Variants in ARMH3 observed in about 807,000 individuals in gnomAD.
The protein encoded by ARMH3 is armadillo-like helical domain-containing protein 3.
ARMH3 carries 60 observed loss-of-function variants against 99.1 expected under a neutral mutation model. The ratio of observed to expected loss-of-function variants is 0.61; its 90% CI spans 0.49 to 0.75. The LOEUF is 0.75. Ranked by LOEUF, ARMH3 falls within the 30% of genes least tolerant of loss-of-function variation. The pLI is 0.00. For missense variants in ARMH3, 679 were observed against 843.1 expected (o/e 0.81, Z 2.41); for synonymous variants, 285 against 292.8 (o/e 0.97, Z 0.27).
Position 101,939,947 on chromosome 10 carries a change from A to G in ARMH3, c.1706-9T>C. 6.2e-7 allele frequency: 1 copy of G among 1,613,114 alleles called. No individual in the cohort carries two copies. The stretch of plus-strand genomic sequence containing the variant: ...GGTAGAAAGCCTCAGGACTGCAAAG[A>G]AGGAAAGAACACAGATCTGTCAAAC... On this transcript the variant is annotated splice_polypyrimidine_tract_variant and intron_variant, in intron 22 of 25. Transcript: ENST00000370033.
chr10:101,966,252 T>C (rs2135869618), intron 20 of ARMH3, among the ~76,000 whole-genome samples: 1 of 147,158 alleles, frequency 6.8e-6, no homozygotes, highest in South Asian at 2.2e-4. Flanking sequence ...ATTACAGGCA[T>C]GCACCACCAC....
chr10:101,985,743 G>A (rs1399659491), intron 19 of ARMH3, among the ~76,000 whole-genome samples: 2 of 151,984 alleles, frequency 1.3e-5, no homozygotes, highest in Non-Finnish European at 2.9e-5. Context: ...TAGGCCAGGC[G>A]CGGTGGCTCA....
chr10:101,940,310 T>G (rs948190039), intron 22 of ARMH3, among the ~76,000 whole-genome samples: 1 of 152,138 alleles, frequency 6.6e-6, no homozygotes, highest in African/African-American at 2.4e-5. Context: ...TCCCTAATGG[T>G]GGGGGCTGAT....
At chr10:101,979,814 C>A (rs1846153105) in intron 19 of ARMH3, among the ~76,000 whole-genome samples, 2 of 152,160 alleles carry the variant, frequency 1.3e-5, no homozygotes, top group Admixed American at 6.5e-5. Flanking sequence ...AATTGATACT[C>A]TTCATTTGAG....
chr10:102,036,109 G>C (rs1365539350), intron 2 of ARMH3, among the ~76,000 whole-genome samples: 2 of 151,562 alleles, frequency 1.3e-5, no homozygotes, highest in Non-Finnish European at 3.0e-5. Flanking sequence ...CCGTCTGGGA[G>C]GGAGGTGGGG....
At chr10:101,889,597 A>G in intron 23 of ARMH3, 107 bp from the exon 24 acceptor site, 1 of 984,340 alleles carries the variant, frequency 1.0e-6, no homozygotes, top group Non-Finnish European at 1.6e-6. Context: ...AGAGCATGGG[A>G]CCGATTGTGA....
At chr10:101,982,225 A>AG in intron 19 of ARMH3, among the ~76,000 whole-genome samples, 1 of 151,820 alleles carries the variant, frequency 6.6e-6, no homozygotes, top group Non-Finnish European at 1.5e-5. Flanking sequence ...TACCAAAAAA[A>AG]AAACACAAAA....
chr10:101,891,165 C>T (rs2067681128), intron 23 of ARMH3, among the ~76,000 whole-genome samples: 1 of 151,726 alleles, frequency 6.6e-6, no homozygotes, highest in African/African-American at 2.4e-5. Flanking sequence ...TGAGCCATTG[C>T]TCCTGACGCT....
intron 14 of ARMH3, among the ~76,000 whole-genome samples, chr10:102,002,696 C>T (rs915961991): frequency 6.6e-6 from 1 of 152,082 alleles, no homozygotes; most frequent in Non-Finnish European, 1.5e-5. Context: ...CGCAGTGGCT[C>T]ACGCCTGTAA....
At chr10:101,886,914 T>C (rs1323565181) in intron 24 of ARMH3, among the ~76,000 whole-genome samples, 1 of 152,208 alleles carries the variant, frequency 6.6e-6, no homozygotes, top group Non-Finnish European at 1.5e-5. Context: ...CTTTAGAATC[T>C]ATTGAGGATT....
At chr10:102,039,372 T>A (rs2136239142) in intron 2 of ARMH3, among the ~76,000 whole-genome samples, 1 of 152,218 alleles carries the variant, frequency 6.6e-6, no homozygotes, top group South Asian at 2.1e-4. Flanking sequence ...CTCGAACTCT[T>A]GACCTTGTGA....
At chr10:101,892,350 T>C (rs1176428456) in intron 23 of ARMH3, among the ~76,000 whole-genome samples, 3 of 152,128 alleles carry the variant, frequency 2.0e-5, no homozygotes, top group South Asian at 2.1e-4. Flanking sequence ...TCTCAGCTAC[T>C]TGGAAGGCTG....
At chr10:101,952,789 T>C (rs1222414976) in intron 22 of ARMH3, 1 of 152,224 alleles carries the variant, frequency 6.6e-6, no homozygotes, top group Non-Finnish European at 1.5e-5. Flanking sequence ...TTTTTCATCT[T>C]GTAGAACTGA....
At chr10:101,926,741 G>A (rs927433351) in intron 23 of ARMH3, among the ~76,000 whole-genome samples, 1 of 152,162 alleles carries the variant, frequency 6.6e-6, no homozygotes, top group African/African-American at 2.4e-5. Flanking sequence ...CCTAGGAAGA[G>A]TTCCTTTGGG....
chr10:102,037,183 CTT>C (rs201412666), intron 2 of ARMH3, among the ~76,000 whole-genome samples: 27 of 137,340 alleles, frequency 2.0e-4, no homozygotes, highest in Admixed American at 6.6e-4. Flanking sequence ...ATTTTGTTTT[CTT>C]TTTTTTTTTT....
Position 101,981,150 on chromosome 10 carries a change from C to T in ARMH3, c.1407-5850G>A, listed in dbSNP as rs545969479. 2.7e-5 allele frequency among the ~76,000 whole-genome samples: 4 copies of T among 150,436 alleles called. No individual in the cohort carries two copies. In the South Asian group the frequency reaches 8.4e-4, roughly 31 times the overall value. On this transcript the variant is annotated intron_variant, in intron 19 of 25. Transcript: ENST00000370033. The stretch of plus-strand genomic sequence containing the variant: ...ATGTAACAAACCTGCACATTCTGCA[C>T]ATGTAATCGTTTTTTTGTTTTTTTA...
At chr10:101,991,876 A>T in intron 18 of ARMH3, 93 bp downstream of exon 18, 1 of 1,184,196 alleles carries the variant, frequency 8.4e-7, no homozygotes, top group Non-Finnish European at 1.2e-6. Context: ...TTATTTGCGG[A>T]AGAAGCACAT....
At chr10:101,860,495 A>G (rs1353448964) in intron 24 of ARMH3, among the ~76,000 whole-genome samples, 1 of 152,204 alleles carries the variant, frequency 6.6e-6, no homozygotes, top group African/African-American at 2.4e-5. Context: ...GGTCCTGCCA[A>G]GCTAAGGAGA....
chr10:102,033,564 G>A (rs922979618), intron 2 of ARMH3: 19 of 437,444 alleles, frequency 4.3e-5, no homozygotes, highest in South Asian at 1.3e-4. Context: ...GACTACAGGC[G>A]CCCACCACCT....
Sources: gnomAD v4.1 joint callset for allele counts (sites outside exome capture counted in the v4.1 genomes callset) on GRCh38, gnomAD v4.1.1 for gene constraint, MANE v1.5 for transcripts, NCBI Gene and HGNC (gene_info 2026-07-23, HGNC 2026-07-21) for gene names.